CCDC91: variants seen among roughly 807,000 people sequenced by gnomAD.
CCDC91 encodes the protein coiled-coil domain containing 91, also known as coiled-coil domain-containing protein 91.
A neutral mutation model predicts 63.2 loss-of-function variants in CCDC91; 48 were observed. The observed-to-expected ratio is 0.76, with a 90% CI of 0.60 to 0.97. The LOEUF is 0.97. Among genes scored for constraint, CCDC91 ranks in the 50% least tolerant of loss-of-function variants. CCDC91 has a pLI of 0.00. For missense variants in CCDC91, 500 were observed against 494.6 expected, an observed-to-expected ratio of 1.01 and a Z score of -0.10; for synonymous variants, 167 against 165.8, an observed-to-expected ratio of 1.01 and a Z score of -0.06.
At chr12:28,350,427 G>C (rs146806100) in intron 6 of CCDC91, among the ~76,000 whole-genome samples, 1 of 152,110 alleles carries the variant, frequency 6.6e-6, no homozygotes, top group African/African-American at 2.4e-5. Context: ...TTTGAAAAAG[G>C]CCATGTCATA....
intron 8 of CCDC91, among the ~76,000 whole-genome samples, chr12:28,436,417 T>A (rs1357217775): frequency 1.3e-5 from 2 of 151,912 alleles, no homozygotes; most frequent in Non-Finnish European, 2.9e-5. Context: ...GTCCCTTGTA[T>A]CTTTGTTGTC....
At chr12:28,250,800 A>G (rs1201899512) in intron 1 of CCDC91, among the ~76,000 whole-genome samples, 4 of 152,118 alleles carry the variant, frequency 2.6e-5, no homozygotes, top group Non-Finnish European at 5.9e-5. Context: ...GAATAAAGAA[A>G]GGATCCCCAC....
intron 7 of CCDC91, among the ~76,000 whole-genome samples, chr12:28,389,208 T>C (rs1013213348): frequency 6.6e-6 from 1 of 152,134 alleles, no homozygotes; most frequent in Non-Finnish European, 1.5e-5. Context: ...GGGGCAACTT[T>C]CTTTCTCTGA....
At chr12:28,506,150 T>C (rs1938683450) in intron 12 of CCDC91, among the ~76,000 whole-genome samples, 1 of 151,966 alleles carries the variant, frequency 6.6e-6, no homozygotes, top group Non-Finnish European at 1.5e-5. Context: ...TTGCAAGCAA[T>C]AGAAACTGAA....
At chr12:28,267,881 AATTATTATAATT>A (rs1284602337) in intron 3 of CCDC91, among the ~76,000 whole-genome samples, 1 of 52,688 alleles carries the variant, frequency 1.9e-5, no homozygotes, top group Non-Finnish European at 4.0e-5. Context: ...AATTATATAT[AATTATTATAATT>A]ATATATAATT....
At chr12:28,265,621 T>G (rs1377058285) in intron 3 of CCDC91, among the ~76,000 whole-genome samples, 1 of 128,398 alleles carries the variant, frequency 7.8e-6, no homozygotes, top group Admixed American at 8.0e-5. Flanking sequence ...ATTACTCTCC[T>G]TACTAACCCT....
intron 3 of CCDC91, among the ~76,000 whole-genome samples, chr12:28,259,819 T>G (rs993733995): frequency 1.3e-5 from 2 of 151,936 alleles, no homozygotes; most frequent in Admixed American, 1.3e-4. Context: ...TATTTAAATT[T>G]AGAAGTGTGT....
chr12:28,368,194 A>G (rs1360261879), intron 7 of CCDC91, among the ~76,000 whole-genome samples: 1 of 152,250 alleles, frequency 6.6e-6, no homozygotes, highest in Non-Finnish European at 1.5e-5. Flanking sequence ...CTACAGAATA[A>G]CAGAAATATG....
At chr12:28,260,504 AT>A (rs2090323665) in intron 3 of CCDC91, among the ~76,000 whole-genome samples, 1 of 151,898 alleles carries the variant, frequency 6.6e-6, no homozygotes, top group Non-Finnish European at 1.5e-5. Flanking sequence ...ATTGCTTCTC[AT>A]TGCTGTTCAT....
intron 6 of CCDC91, among the ~76,000 whole-genome samples, chr12:28,321,491 A>T (rs1940498625): frequency 6.6e-6 from 1 of 151,904 alleles, no homozygotes; most frequent in Non-Finnish European, 1.5e-5. Context: ...TCGTACATTG[A>T]TGCTCTCATC....
intron 1 of CCDC91, among the ~76,000 whole-genome samples, chr12:28,221,765 T>C (rs1450160088): frequency 6.6e-6 from 1 of 152,242 alleles, no homozygotes; most frequent in Non-Finnish European, 1.5e-5. Context: ...CACTCACTTT[T>C]GTTGTTCTTT....
intron 1 of CCDC91, among the ~76,000 whole-genome samples, chr12:28,225,135 A>C (rs1230021711): frequency 6.6e-6 from 1 of 152,168 alleles, no homozygotes; most frequent in East Asian, 1.9e-4. Context: ...AAGAGTTTAA[A>C]GTGTAAGATA....
intron 3 of CCDC91, among the ~76,000 whole-genome samples, chr12:28,292,046 GCTTTATCA>G (rs770382825): frequency 6.6e-6 from 1 of 152,182 alleles, no homozygotes; most frequent in Non-Finnish European, 1.5e-5. Flanking sequence ...TGTCTCTGCT[GCTTTATCA>G]CCCGTTTTGA....
chr12:28,419,933 T>C (rs986726040), intron 8 of CCDC91, among the ~76,000 whole-genome samples: 25 of 152,094 alleles, frequency 1.6e-4, no homozygotes, highest in Non-Finnish European at 3.1e-4. Flanking sequence ...ATTTTTGTGT[T>C]TTTTGTAGCT....
intron 1 of CCDC91, among the ~76,000 whole-genome samples, chr12:28,196,061 T>A (rs925415022): frequency 9.2e-5 from 14 of 152,348 alleles, no homozygotes; most frequent in Admixed American, 9.1e-4. Context: ...GTTGTGATCA[T>A]GCCACTGCAC....
intron 3 of CCDC91, among the ~76,000 whole-genome samples, chr12:28,261,282 T>G (rs898622371): frequency 1.3e-5 from 2 of 152,056 alleles, no homozygotes; most frequent in African/African-American, 4.8e-5. Context: ...GCTGGAGTTC[T>G]TGGTTTAGGA....
At chr12:28,328,104 T>C (rs547178264) in intron 6 of CCDC91, among the ~76,000 whole-genome samples, 6 of 152,290 alleles carry the variant, frequency 3.9e-5, no homozygotes, top group African/African-American at 1.4e-4. Flanking sequence ...TTATTTGATG[T>C]TTGTATGGCT....
intron 10 of CCDC91, among the ~76,000 whole-genome samples, chr12:28,451,304 C>G (rs1949791343): frequency 6.6e-6 from 1 of 151,178 alleles, no homozygotes; most frequent in African/African-American, 2.4e-5. Context: ...TAGAAACAGA[C>G]CAGTAGTAGT....
chr12:28,424,615 GT>G (rs1948204164), intron 8 of CCDC91, among the ~76,000 whole-genome samples: 1 of 151,848 alleles, frequency 6.6e-6, no homozygotes, highest in African/African-American at 2.4e-5. Context: ...AAGTTCATCT[GT>G]TTTTCTTGTT....
Sources: allele counts gnomAD v4.1 joint callset (sites outside exome capture counted in the v4.1 genomes callset), GRCh38; gene constraint gnomAD v4.1.1; transcripts MANE v1.5; gene names NCBI Gene and HGNC (gene_info 2026-07-23, HGNC 2026-07-21).